The following HACD2 variants were observed in gnomAD, a reference collection of about 807,000 sequenced individuals.
The protein encoded by HACD2 is very-long-chain (3R)-3-hydroxyacyl-CoA dehydratase 2.
In HACD2, 15 loss-of-function variants were observed where a neutral mutation model predicts 31.0. That is an observed-to-expected ratio of 0.48 (90% CI 0.32 to 0.75). HACD2 has a LOEUF of 0.75. HACD2 is among the 30% of genes least tolerant of loss of function. HACD2 has a pLI of 0.03. For synonymous variants in HACD2, 115 were observed against 122.2 expected, an observed-to-expected ratio of 0.94 and a Z score of 0.39; for missense variants, 283 against 313.0, an observed-to-expected ratio of 0.90 and a Z score of 0.72.
intron 2 of HACD2, among the ~76,000 whole-genome samples, chr3:123,570,311 T>C (rs1177253086): frequency 2.0e-5 from 3 of 152,180 alleles, no homozygotes; most frequent in Non-Finnish European, 2.9e-5. Flanking sequence ...AAAATACGTA[T>C]TTCAACTTGT....
intron 4 of HACD2, among the ~76,000 whole-genome samples, chr3:123,527,265 A>G (rs368601284): frequency 1.3e-5 from 2 of 152,318 alleles, no homozygotes. Context: ...TGCTTATCTG[A>G]AGTTTCACTT....
At chr3:123,498,102 T>G (rs1391128069) in intron 6 of HACD2, among the ~76,000 whole-genome samples, 1 of 152,094 alleles carries the variant, frequency 6.6e-6, no homozygotes, top group Non-Finnish European at 1.5e-5. Flanking sequence ...CATCCAGAGC[T>G]GCTGGCTCAG....
In HACD2 at chr3:123,584,954, G is replaced by T. The variant is rs903219191; in HGVS notation, c.74C>A (p.Ala25Asp). The change falls in exon 1 of 7, where the codon GCC (alanine) becomes GAC (aspartate). Residue 25 changes from alanine to aspartate, a missense_variant. Ala to Asp is a moderately radical substitution (Grantham distance 126, BLOSUM62 -2). This residue lies in a region of HACD2 where 158 missense variants were observed against 148.3 expected (regional missense o/e 1.07). Coordinates refer to ENST00000383657, the MANE Select transcript of HACD2 (RefSeq NM_198402.5). ...GGGGRAGAGD[A>D]SGTRKKKGPG... ...GCCCTTCTTCTTCCGCGTGCCGCTGGCGTCCCCGGCCCCGGCCCTGCCACC... is the reference window on the plus strand; with the variant it reads ...GCCCTTCTTCTTCCGCGTGCCGCTGTCGTCCCCGGCCCCGGCCCTGCCACC... The T allele has an allele frequency of 6.5e-7, 1 of 1,528,098 alleles. No homozygotes were observed. 94.7% of individuals were successfully genotyped at this position (1,528,098 alleles called of 1,614,324 possible).
intron 3 of HACD2, among the ~76,000 whole-genome samples, chr3:123,548,330 T>G (rs1032320090): frequency 6.6e-6 from 1 of 152,032 alleles, no homozygotes; most frequent in Non-Finnish European, 1.5e-5. Context: ...ACAAGGGACA[T>G]TCTAGCACGT....
chr3:123,530,767 G>T (rs1408921875), intron 3 of HACD2, among the ~76,000 whole-genome samples: 1 of 151,770 alleles, frequency 6.6e-6, no homozygotes, highest in Non-Finnish European at 1.5e-5. Context: ...GCCCAGGCTG[G>T]TTTCGAACTC....
chr3:123,557,779 C>T lies in HACD2; in HGVS notation c.292+9983G>A, dbSNP rs1054046510. Among the ~76,000 whole-genome samples the T allele has an allele frequency of 9.8e-5, 15 of 152,318 alleles. No individual in the cohort carries two copies. In the East Asian group the frequency reaches 2.9e-3, roughly 29 times the overall value. ...GTCAAAATCCAGAGCACTGACAATA[C>T]CAAACGCAGCAGAGGATGTGGAATA... On this transcript the variant is annotated intron_variant, in intron 3 of 6. Coordinates refer to ENST00000383657, the MANE Select transcript of HACD2 (RefSeq NM_198402.5).
intron 5 of HACD2, among the ~76,000 whole-genome samples, chr3:123,501,379 C>T (rs1195202597): frequency 6.6e-6 from 1 of 152,192 alleles, no homozygotes; most frequent in African/African-American, 2.4e-5. Flanking sequence ...ATTCAGAGAG[C>T]AGTCACTGTC....
chr3:123,547,079 G>A (rs1202296983), intron 3 of HACD2, among the ~76,000 whole-genome samples: 2 of 152,140 alleles, frequency 1.3e-5, no homozygotes, highest in Admixed American at 6.5e-5. Context: ...CTAGAGCCAA[G>A]AATGTGGCAA....
At chr3:123,578,699 G>A (rs958751372) in intron 2 of HACD2, among the ~76,000 whole-genome samples, 4 of 152,158 alleles carry the variant, frequency 2.6e-5, no homozygotes, top group Admixed American at 6.5e-5. Context: ...AAGTAATTTC[G>A]ATTTCCTTTT....
intron 3 of HACD2, among the ~76,000 whole-genome samples, chr3:123,565,483 A>T (rs2056780500): frequency 6.6e-6 from 1 of 152,202 alleles, no homozygotes; most frequent in Admixed American, 6.5e-5. Context: ...ACAAGGACAC[A>T]GTAAGAAGCT....
intron 3 of HACD2, 21 bp from the exon 4 acceptor site, chr3:123,528,495 GATAA>G (rs773644763): frequency 7.1e-7 from 1 of 1,399,674 alleles, no homozygotes; most frequent in South Asian, 1.2e-5. Context: ...TTTTGGGATG[GATAA>G]ATAAATGTAC....
intron 6 of HACD2, among the ~76,000 whole-genome samples, chr3:123,498,865 C>T (rs1404333991): frequency 1.3e-5 from 2 of 152,290 alleles, no homozygotes; most frequent in African/African-American, 4.8e-5. Flanking sequence ...GGCACTGCCA[C>T]TACACCAAGA....
intron 3 of HACD2, among the ~76,000 whole-genome samples, chr3:123,537,253 T>C (rs1404066681): frequency 6.6e-6 from 1 of 152,194 alleles, no homozygotes; most frequent in African/African-American, 2.4e-5. Context: ...AATTTGAATC[T>C]AGAATTTTCA....
chr3:123,574,376 G>A (rs1422319120), intron 2 of HACD2, among the ~76,000 whole-genome samples: 1 of 152,152 alleles, frequency 6.6e-6, no homozygotes, highest in Non-Finnish European at 1.5e-5. Context: ...CAGATTGTTA[G>A]ACTTTAGTTT....
intron 3 of HACD2, among the ~76,000 whole-genome samples, chr3:123,559,069 G>A (rs1343391487): frequency 2.0e-5 from 3 of 152,078 alleles, no homozygotes; most frequent in Non-Finnish European, 2.9e-5. Context: ...TCCTTACCTC[G>A]AATCTTAAGG....
intron 4 of HACD2, among the ~76,000 whole-genome samples, chr3:123,509,483 C>T (rs1420347589): frequency 6.8e-6 from 1 of 146,442 alleles, no homozygotes; most frequent in Non-Finnish European, 1.5e-5. Flanking sequence ...CCCCTCCAAC[C>T]TTCCCCTTCC....
chr3:123,492,119 T>A lies in HACD2; in HGVS notation c.*2769A>T, dbSNP rs1337952080. The A allele has an allele frequency of 2.6e-5, 4 of 152,194 alleles. No homozygotes were observed. Among genetic ancestry groups the A allele is most frequent in the Non-Finnish European group, 4.4e-5 (3 of 68,034 alleles). The allele number at this position is 152,194 out of a possible 1,614,324, so 9.4% of individuals were successfully genotyped here. The stretch of plus-strand genomic sequence containing the variant: ...ACTAACTCTCCATGGTGCCTCTGGA[T>A]AATGGTTGGTATGTGTTAAATGAAT... On this transcript the variant is annotated 3_prime_UTR_variant, in exon 7 of 7. Transcript: ENST00000383657.
At chr3:123,543,211 A>C (rs187498049) in intron 3 of HACD2, among the ~76,000 whole-genome samples, 1 of 152,318 alleles carries the variant, frequency 6.6e-6, no homozygotes, top group Admixed American at 6.5e-5. Flanking sequence ...GAGTTAATGA[A>C]GTATTGGTAG....
intron 3 of HACD2, among the ~76,000 whole-genome samples, chr3:123,539,298 G>T (rs1023137587): frequency 6.6e-6 from 1 of 152,112 alleles, no homozygotes; most frequent in Non-Finnish European, 1.5e-5. Flanking sequence ...GGGCCGGCTT[G>T]GTGATTCACG....
Sources: allele counts gnomAD v4.1 joint callset (sites outside exome capture counted in the v4.1 genomes callset), GRCh38; gene constraint gnomAD v4.1.1; regional missense constraint gnomAD v4.1.1; transcripts MANE v1.5; gene names NCBI Gene and HGNC (gene_info 2026-07-23, HGNC 2026-07-21).